CDH13: variants seen among roughly 807,000 people sequenced by gnomAD.
CDH13 encodes the protein cadherin 13.
Under a neutral mutation model 63.8 loss-of-function variants are expected in CDH13, and 24 were observed. That is an observed-to-expected ratio of 0.38 (90% CI 0.27 to 0.53). CDH13 has a LOEUF of 0.53. Among genes scored for constraint, CDH13 ranks in the 20% least tolerant of loss-of-function variants. The pLI is 0.85. For synonymous variants in CDH13, 503 were observed against 355.3 expected, an observed-to-expected ratio of 1.42 and a Z score of -4.67; for missense variants, 1,049 against 903.1, an observed-to-expected ratio of 1.16 and a Z score of -2.07.
chr16:82,739,887 A>G (rs1306063017), intron 1 of CDH13, among the ~76,000 whole-genome samples: 1 of 152,204 alleles, frequency 6.6e-6, no homozygotes, highest in Non-Finnish European at 1.5e-5. Context: ...TGCCCTGCAA[A>G]GATACTTGAA....
chr16:83,106,194 A>C lies in CDH13; in HGVS notation c.367-19191A>C, dbSNP rs115679064. Reference sequence around the variant, plus strand: ...CAAAAGCAAATGAAACTCTACCTACAACGTCACTTTATTTGCCTTTCATTT... The same window carrying C: ...CAAAAGCAAATGAAACTCTACCTACCACGTCACTTTATTTGCCTTTCATTT... On this transcript the variant is annotated intron_variant, in intron 3 of 13. Coordinates refer to ENST00000567109, the MANE Select transcript of CDH13 (RefSeq NM_001257.5). Among the ~76,000 whole-genome samples, 839 of 152,344 alleles carry C rather than the reference A, an allele frequency of 5.5e-3. 16 individuals carry two copies. Among genetic ancestry groups the C allele is most frequent in the African/African-American group, 0.019 (802 of 41,566 alleles).
At chr16:83,291,901 G>C (rs920874528) in intron 5 of CDH13, among the ~76,000 whole-genome samples, 2 of 152,062 alleles carry the variant, frequency 1.3e-5, no homozygotes, top group Admixed American at 6.5e-5. Flanking sequence ...ATCTTGACCA[G>C]GTCAGAGTTC....
intron 11 of CDH13, among the ~76,000 whole-genome samples, chr16:83,757,146 A>T (rs561836141): frequency 6.6e-6 from 1 of 152,386 alleles, no homozygotes; most frequent in East Asian, 1.9e-4. Flanking sequence ...AACTGACTGA[A>T]CATAAAACAG....
At chr16:82,754,403 G>T (rs1393119441) in intron 1 of CDH13, among the ~76,000 whole-genome samples, 1 of 152,118 alleles carries the variant, frequency 6.6e-6, no homozygotes, top group Admixed American at 6.5e-5. Context: ...TCATTTTAGG[G>T]CCTGAACTTT....
intron 4 of CDH13, among the ~76,000 whole-genome samples, chr16:83,158,994 C>T (rs755435983): frequency 5.1e-4 from 77 of 152,284 alleles, no homozygotes; most frequent in Non-Finnish European, 1.0e-3. Flanking sequence ...CATCCTTTGC[C>T]TCTCATTTGG....
At chr16:83,111,002 C>CAAAAAAAAAAAAAAAA (rs398030036) in intron 3 of CDH13, among the ~76,000 whole-genome samples, 1 of 106,272 alleles carries the variant, frequency 9.4e-6, no homozygotes, top group Non-Finnish European at 1.8e-5. Flanking sequence ...TAGGTTGTTG[C>CAAAAAAAAAAAAAAAA]AAAAAAAAAA....
At chr16:83,124,278 T>G (rs985421486) in intron 3 of CDH13, among the ~76,000 whole-genome samples, 10 of 152,284 alleles carry the variant, frequency 6.6e-5, no homozygotes, top group Admixed American at 3.9e-4. Context: ...ACTCCTGACC[T>G]CAGGAGATCG....
chr16:83,538,088 C>T (rs1182033938), intron 7 of CDH13, among the ~76,000 whole-genome samples: 2 of 152,124 alleles, frequency 1.3e-5, no homozygotes, highest in African/African-American at 4.8e-5. Flanking sequence ...ATGTTTTTGC[C>T]AGACACTTGA....
intron 5 of CDH13, among the ~76,000 whole-genome samples, chr16:83,228,807 A>G (rs11646757): frequency 0.093 from 14,123 of 152,156 alleles, 898 homozygotes; most frequent in Admixed American, 0.12. Context: ...GGGACAAATG[A>G]TGGAGGATTT....
At position 83,796,785 on chromosome 16, in the gene CDH13, C is replaced by T. The variant is rs956427907; in HGVS notation, c.*1755C>T. 2 of 152,138 alleles carry T rather than the reference C, an allele frequency of 1.3e-5. No individual in the cohort carries two copies. Among genetic ancestry groups the T allele is most frequent in the Non-Finnish European group, 2.9e-5 (2 of 68,022 alleles). 9.4% of individuals were successfully genotyped at this position (152,138 alleles called of 1,614,324 possible). On this transcript the variant is annotated 3_prime_UTR_variant, in exon 14 of 14. Transcript: ENST00000567109. ...ATGGGCCATGGACTCATCTTGTCCA[C>T]CTCATGATATGATCTGAGGGTGTCA...
intron 7 of CDH13, among the ~76,000 whole-genome samples, chr16:83,549,733 A>T (rs1225010876): frequency 1.3e-5 from 2 of 152,212 alleles, no homozygotes; most frequent in African/African-American, 4.8e-5. Context: ...AATTTCCAAT[A>T]AGAGAAAGGC....
At chr16:83,137,760 C>A (rs552830809) in intron 4 of CDH13, among the ~76,000 whole-genome samples, 5 of 152,142 alleles carry the variant, frequency 3.3e-5, no homozygotes, top group Non-Finnish European at 7.3e-5. Flanking sequence ...GATGGACTGG[C>A]CTTTTCACGG....
intron 8 of CDH13, among the ~76,000 whole-genome samples, chr16:83,643,306 A>T: frequency 6.9e-6 from 1 of 144,114 alleles, no homozygotes; most frequent in East Asian, 2.0e-4. Flanking sequence ...AAAAAAGAAA[A>T]AAAAAATTTA....
chr16:83,392,299 C>A (rs577945544), intron 6 of CDH13, among the ~76,000 whole-genome samples: 1 of 152,164 alleles, frequency 6.6e-6, no homozygotes, highest in African/African-American at 2.4e-5. Flanking sequence ...CTTAAAGCCT[C>A]CTTAGCGCCG....
At chr16:83,246,931 GCCTTGGTGCCTTTGCGTATC>G (rs1905051310) in intron 5 of CDH13, among the ~76,000 whole-genome samples, 1 of 152,164 alleles carries the variant, frequency 6.6e-6, no homozygotes, top group Admixed American at 6.5e-5. Context: ...GCAGCTCTCT[GCCTTGGTGCCTTTGCGTATC>G]CATCTCTACT....
At chr16:82,791,423 A>G (rs2036299016) in intron 1 of CDH13, among the ~76,000 whole-genome samples, 1 of 152,192 alleles carries the variant, frequency 6.6e-6, no homozygotes, top group Non-Finnish European at 1.5e-5. Context: ...GCCTGAGAAC[A>G]CAGGGGGAGC....
At chr16:83,153,678 A>G (rs1015714282) in intron 4 of CDH13, among the ~76,000 whole-genome samples, 2 of 152,152 alleles carry the variant, frequency 1.3e-5, no homozygotes, top group South Asian at 4.1e-4. Flanking sequence ...GGCGGTTTCA[A>G]TCCTATAAGA....
chr16:83,365,501 A>T (rs1317138329), intron 6 of CDH13, among the ~76,000 whole-genome samples: 1 of 152,106 alleles, frequency 6.6e-6, no homozygotes, highest in Non-Finnish European at 1.5e-5. Flanking sequence ...TAATCATCCA[A>T]CTGTTGTAGG....
intron 4 of CDH13, among the ~76,000 whole-genome samples, chr16:83,133,916 G>C (rs188213856): frequency 6.6e-6 from 1 of 152,130 alleles, no homozygotes; most frequent in Admixed American, 6.5e-5. Flanking sequence ...CATCAGATGC[G>C]GTGGCCCAGG....
Sources: allele counts gnomAD v4.1 joint callset (sites outside exome capture counted in the v4.1 genomes callset), GRCh38; gene constraint gnomAD v4.1.1; transcripts MANE v1.5; gene names NCBI Gene and HGNC (gene_info 2026-07-23, HGNC 2026-07-21).